NOS1: variants seen among roughly 807,000 people sequenced by gnomAD.
NOS1 encodes nitric oxide synthase 1.
Under a neutral mutation model 164.5 loss-of-function variants are expected in NOS1, and 51 were observed. The observed-to-expected ratio is 0.31, with a 90% CI of 0.25 to 0.39. The LOEUF is 0.39. NOS1 is among the 10% of genes least tolerant of loss of function. The pLI is 1.00. For missense variants in NOS1, 1,362 were observed against 1,885.6 expected (o/e 0.72, Z 5.14); for synonymous variants, 719 against 745.8 (o/e 0.96, Z 0.59).
At chr12:117,358,279 C>T (rs1876947690) in intron 1 of NOS1, among the ~76,000 whole-genome samples, 1 of 152,222 alleles carries the variant, frequency 6.6e-6, no homozygotes, top group Non-Finnish European at 1.5e-5. Context: ...CAACTCTTTG[C>T]ATCTTACTCA....
intron 8 of NOS1, among the ~76,000 whole-genome samples, chr12:117,279,759 T>C (rs1024390050): frequency 6.6e-5 from 10 of 152,214 alleles, no homozygotes; most frequent in African/African-American, 2.4e-4. Flanking sequence ...CTCAGCCAAG[T>C]GGAGCAGGGA....
chr12:117,328,404 G>A (rs1408166819), intron 2 of NOS1, among the ~76,000 whole-genome samples: 1 of 152,108 alleles, frequency 6.6e-6, no homozygotes, highest in Non-Finnish European at 1.5e-5. Context: ...CCTGACCTCA[G>A]GTGATCTGCT....
At position 117,269,464 on chromosome 12, in the gene NOS1, GT is replaced by G. The variant is rs1164630635; in HGVS notation, c.1840-1321del. Among the ~76,000 whole-genome samples, 305 of 118,384 alleles carry G rather than the reference GT, an allele frequency of 2.6e-3. 4 individuals are homozygous for G. The East Asian group carries it at 0.041, about 16-fold the overall frequency. The allele number at this position is 118,384 out of a possible 152,430, so 77.7% of individuals were successfully genotyped here. On this transcript the variant is annotated intron_variant, in intron 10 of 28. Transcript: ENST00000317775. ...CAGGGGGCAGGATCTCTGGAGATTTGTTTTTTTTTTTTTTTTTTTTTTAGAC... is the reference window on the plus strand; with the variant it reads ...CAGGGGGCAGGATCTCTGGAGATTTGTTTTTTTTTTTTTTTTTTTTTAGAC...
chr12:117,253,689 C>T lies in NOS1; in HGVS notation c.2597G>A (p.Gly866Glu). ...YSDSQKSSGD[G>E]PDLRDNFESA... is the part of the protein sequence containing the mutation. ...CTCAAAGTTGTCTCTGAGGTCGGGC[C>T]CATCGCCTGATGATTTTTGGGAGTC... Residue 866 changes from glycine (G) to glutamate (E), a missense_variant, in exon 17 of 29, where the codon GGG (glycine) becomes GAG (glutamate). By Grantham distance (98) the Gly-to-Glu change is moderately conservative. Transcript: ENST00000317775. The T allele has an allele frequency of 6.2e-7, 1 of 1,614,040 alleles. No individual in the cohort carries two copies. Among genetic ancestry groups the T allele is most frequent in the Non-Finnish European group, 8.5e-7 (1 of 1,180,010 alleles).
chr12:117,220,501 C>T (rs1956686093), intron 26 of NOS1, among the ~76,000 whole-genome samples: 1 of 152,186 alleles, frequency 6.6e-6, no homozygotes, highest in Non-Finnish European at 1.5e-5. Context: ...ATAACTGGAG[C>T]TCAGCTCTGC....
chr12:117,307,623 T>C (rs1481580647), intron 3 of NOS1, among the ~76,000 whole-genome samples: 2 of 152,124 alleles, frequency 1.3e-5, no homozygotes, highest in Non-Finnish European at 2.9e-5. Flanking sequence ...TGCCTTGGCT[T>C]CCTAGAGTGC....
chr12:117,255,849 C>A, intron 16 of NOS1: 1 of 751,806 alleles, frequency 1.3e-6, no homozygotes, highest in Non-Finnish European at 2.0e-6. Flanking sequence ...CTCCTTGAGA[C>A]CTAGATGTGT....
At chr12:117,225,192 C>A in intron 24 of NOS1, 55 bp from the exon 25 acceptor site, 1 of 1,567,716 alleles carries the variant, frequency 6.4e-7, no homozygotes. Context: ...CAATCAAGAA[C>A]AATTGAATCT....
chr12:117,260,879 C>CA (rs1255776894), intron 13 of NOS1, among the ~76,000 whole-genome samples: 1 of 151,864 alleles, frequency 6.6e-6, no homozygotes, highest in Non-Finnish European at 1.5e-5. Context: ...TATTAAATCC[C>CA]ACCAGAGGCC....
At chr12:117,232,846 G>C (rs921392059) in intron 21 of NOS1, among the ~76,000 whole-genome samples, 2 of 151,604 alleles carry the variant, frequency 1.3e-5, no homozygotes, top group Admixed American at 1.3e-4. Context: ...TACTGTCTGG[G>C]TTGGATTTAT....
chr12:117,238,902 G>T (rs553345988), intron 20 of NOS1, among the ~76,000 whole-genome samples: 1 of 152,112 alleles, frequency 6.6e-6, no homozygotes, highest in Admixed American at 6.5e-5. Context: ...AAATTCTTCC[G>T]TCTGCTCTTC....
rs542733735 is a variant in NOS1 at position 117,212,057 on chromosome 12, C to T, written c.*3252G>A. ...CGCCAGCCTGGGTGACAGAGCAAGACTCTGTCAAAAAAAAAAATAGATTCT... is the reference window on the plus strand; with the variant it reads ...CGCCAGCCTGGGTGACAGAGCAAGATTCTGTCAAAAAAAAAAATAGATTCT... On this transcript the variant is annotated 3_prime_UTR_variant, in exon 29 of 29. Coordinates refer to ENST00000317775, the MANE Select transcript of NOS1 (RefSeq NM_000620.5). 1.1e-6 allele frequency: 1 copy of T among 937,708 alleles called. No homozygotes were observed. The highest frequency in any genetic ancestry group is 2.0e-5 in the African/African-American group (1 of 51,066). 58.1% of individuals were successfully genotyped at this position (937,708 alleles called of 1,614,324 possible).
In NOS1 at chr12:117,272,523, G is replaced by A. The variant is rs569838932; in HGVS notation, c.1701C>T (p.Tyr567=). ...GCATGTTGGACACGGCGGGGAGGCCGTACCACTTCAGCCCCAGGTCCTTGA... is the reference window on the plus strand; with the variant it reads ...GCATGTTGGACACGGCGGGGAGGCCATACCACTTCAGCCCCAGGTCCTTGA... ...EWFKDLGLKW[Y]GLPAVSNMLL... is the part of the protein sequence containing the mutation. Residue 567 remains tyrosine (Y), a synonymous_variant, in exon 10 of 29, where the codon TAC becomes TAT. Transcript: ENST00000317775. This position sits in a 1 kb window ranked among gnomAD's most constrained non-coding sequence, Gnocchi z 4.3. 2.0e-5 allele frequency: 33 copies of A among 1,614,136 alleles called. 1 individual carries two copies. The highest frequency in any genetic ancestry group is 1.6e-4 in the Middle Eastern group (1 of 6,062).
rs1870397841 is a variant in NOS1, at chr12:117,243,811, T to C, written c.2824-376A>G. Among the ~76,000 whole-genome samples the C allele has an allele frequency of 6.8e-6, 1 of 147,532 alleles. No individual in the cohort carries two copies. Among genetic ancestry groups the C allele is most frequent in the Non-Finnish European group, 1.5e-5 (1 of 66,816 alleles). The stretch of plus-strand genomic sequence containing the variant: ...TTCCATGCATCCATCCTTCCCTCCA[T>C]CTACCCACCCACTCATCCATCTTTC... On this transcript the variant is annotated intron_variant, in intron 18 of 28. Coordinates refer to ENST00000317775, the MANE Select transcript of NOS1 (RefSeq NM_000620.5). The surrounding 1 kb of genome is among the most constrained non-coding windows in gnomAD (Gnocchi z 4.3).
rs186180871 is a variant in NOS1 at position 117,358,837 on chromosome 12, C to T, written c.-421+2675G>A. ...GACAAAGCCATGCCCCTGACCATAG[C>T]GTTGGCCTCTGGCTGAACAGATGTA... On this transcript the variant is annotated intron_variant, in intron 1 of 28. Transcript: ENST00000317775. Among the ~76,000 whole-genome samples, 304 of 152,332 alleles carry T rather than the reference C, an allele frequency of 2.0e-3. 1 individual carries two copies. Among genetic ancestry groups the T allele is most frequent in the African/African-American group, 7.0e-3 (289 of 41,578 alleles).
At chr12:117,259,435 A>G (rs1592959694) in intron 14 of NOS1, among the ~76,000 whole-genome samples, 1 of 152,314 alleles carries the variant, frequency 6.6e-6, no homozygotes, top group Non-Finnish European at 1.5e-5. Context: ...TACTAGAAAC[A>G]CAGCTTGATG....
At chr12:117,215,404 A>G in intron 28 of NOS1, 80 bp from the exon 29 acceptor site, 2 of 1,381,340 alleles carry the variant, frequency 1.4e-6, no homozygotes, top group African/African-American at 1.5e-5. Flanking sequence ...AGAGAAAATC[A>G]CCCATGCTCT....
chr12:117,326,518 T>A (rs1875261019), intron 2 of NOS1, among the ~76,000 whole-genome samples: 2 of 152,140 alleles, frequency 1.3e-5, no homozygotes, highest in African/African-American at 4.8e-5. Context: ...CTCACCTAAG[T>A]GGGTTTCACA....
chr12:117,304,994 C>A, intron 3 of NOS1: 1 of 985,222 alleles, frequency 1.0e-6, no homozygotes, highest in Non-Finnish European at 1.2e-6. Flanking sequence ...TTGCCTTTTG[C>A]CCAGTCCTTG....
Sources: gnomAD v4.1 joint callset for allele counts (sites outside exome capture counted in the v4.1 genomes callset) on GRCh38, gnomAD v4.1.1 for gene constraint, Gnocchi (gnomAD v3.1) non-coding constraint, MANE v1.5 for transcripts, NCBI Gene and HGNC (gene_info 2026-07-23, HGNC 2026-07-21) for gene names.